Variants in TBC1D2 observed in about 807,000 individuals in gnomAD.
The protein encoded by TBC1D2 is TBC1 domain family member 2, also known as TBC1 domain family member 2A.
TBC1D2 carries 58 observed loss-of-function variants against 91.1 expected under a neutral mutation model. The ratio of observed to expected loss-of-function variants is 0.64; its 90% CI spans 0.52 to 0.79. The LOEUF (loss-of-function observed/expected upper bound fraction) is 0.79. Ranked by LOEUF, TBC1D2 falls within the 30% of genes least tolerant of loss-of-function variation. TBC1D2 has a pLI of 0.00. For synonymous variants in TBC1D2, 482 were observed against 511.5 expected, an observed-to-expected ratio of 0.94 and a Z score of 0.78; for missense variants, 1,080 against 1,208.3, an observed-to-expected ratio of 0.89 and a Z score of 1.57.
intron 2 of TBC1D2, among the ~76,000 whole-genome samples, chr9:98,244,485 C>T (rs1049255887): frequency 6.6e-6 from 1 of 151,926 alleles, no homozygotes; most frequent in African/African-American, 2.4e-5. Flanking sequence ...CATGAAGAAA[C>T]CCTGTCTCTA....
rs1828893671 is a variant in TBC1D2 at position 98,213,213 on chromosome 9, G to A, written c.1380C>T (p.Asp460=). Residue 460 remains aspartate (D), a synonymous_variant, in exon 7 of 13, where the codon GAC becomes GAT. Coordinates refer to ENST00000465784, the MANE Select transcript of TBC1D2 (RefSeq NM_001267571.2). ...AGTTCTGGGTCCGGTAAGCTTCCAT[G>A]TCATCCTGGAGAAGAGAGTAAAATA... ...QQGKIEHLKD[D]MEAYRTQNCF... is the part of the protein sequence containing the mutation. 1 of 1,614,090 alleles carries A rather than the reference G, an allele frequency of 6.2e-7. No individual in the cohort carries two copies. The highest frequency in any genetic ancestry group is 1.1e-5 in the South Asian group (1 of 91,084).
chr9:98,245,730 CAATA>C (rs1158070846), intron 2 of TBC1D2, among the ~76,000 whole-genome samples: 4 of 151,996 alleles, frequency 2.6e-5, no homozygotes, highest in African/African-American at 9.7e-5. Flanking sequence ...AAATTTTCTA[CAATA>C]AACATGGGTT....
intron 7 of TBC1D2, among the ~76,000 whole-genome samples, chr9:98,211,682 C>T (rs542478582): frequency 2.6e-5 from 4 of 152,254 alleles, no homozygotes; most frequent in Admixed American, 6.5e-5. Context: ...AAACACTTGC[C>T]GGGCACCAGC....
Position 98,199,521 on chromosome 9 carries a change from T to G in TBC1D2, c.2647A>C (p.Met883Leu). The change falls in exon 13 of 13, where the codon ATG becomes CTG. Residue 883 changes from methionine (M) to leucine (L), a missense_variant. By Grantham distance (15) the Met-to-Leu change is conservative. Coordinates refer to ENST00000465784, the MANE Select transcript of TBC1D2 (RefSeq NM_001267571.2). ...GCCTCCAGCCGCTCCCGGTGGACCATGCGCAGCTGCCGCAGCTGTTTCATG... is the reference window on the plus strand; with the variant it reads ...GCCTCCAGCCGCTCCCGGTGGACCAGGCGCAGCTGCCGCAGCTGTTTCATG... ...FRMKQLRQLR[M>L]VHRERLEAEL... is the part of the protein sequence containing the mutation. The G allele has an allele frequency of 6.2e-7, 1 of 1,614,152 alleles. No individual in the cohort carries two copies. Among genetic ancestry groups the G allele is most frequent in the Non-Finnish European group, 8.5e-7 (1 of 1,180,034 alleles).
intron 10 of TBC1D2, among the ~76,000 whole-genome samples, chr9:98,202,176 T>C (rs760573651): frequency 6.6e-6 from 1 of 152,224 alleles, no homozygotes; most frequent in Non-Finnish European, 1.5e-5. Flanking sequence ...GAACGCATAA[T>C]GTCCTGCCTC....
In TBC1D2 at chr9:98,203,421, G is replaced by A. The variant is rs375912427; in HGVS notation, c.2151-13C>T. Reference sequence around the variant, plus strand: ...AATGGCCGCCAGCCTGGAGTAGTAGGGAAGGCCTGGAGTGATTACAGAAGC... The same window carrying A: ...AATGGCCGCCAGCCTGGAGTAGTAGAGAAGGCCTGGAGTGATTACAGAAGC... On this transcript the variant is annotated splice_polypyrimidine_tract_variant and intron_variant, in intron 9 of 12. Coordinates refer to ENST00000465784, the MANE Select transcript of TBC1D2 (RefSeq NM_001267571.2). 44 of 1,613,720 alleles carry A rather than the reference G, an allele frequency of 2.7e-5. No homozygotes were observed. Among genetic ancestry groups the A allele is most frequent in the Non-Finnish European group, 3.6e-5 (43 of 1,180,000 alleles).
intron 2 of TBC1D2, among the ~76,000 whole-genome samples, chr9:98,245,733 T>C (rs1257856937): frequency 3.3e-5 from 5 of 152,266 alleles, no homozygotes; most frequent in East Asian, 3.9e-4. Flanking sequence ...TTTTCTACAA[T>C]AAACATGGGT....
At chr9:98,201,366 A>G in intron 11 of TBC1D2, 113 bp downstream of exon 11, 3 of 996,566 alleles carry the variant, frequency 3.0e-6, no homozygotes, top group Non-Finnish European at 4.4e-6. Flanking sequence ...GAGACGTTCA[A>G]CAGCTCTGAC....
Position 98,200,239 on chromosome 9 carries a change from T to C in TBC1D2, c.2579+14A>G, listed in dbSNP as rs201160326. The C allele has an allele frequency of 1.3e-6, 2 of 1,558,772 alleles. No homozygotes were observed. Among genetic ancestry groups the C allele is most frequent in the African/African-American group, 2.7e-5 (2 of 73,032 alleles). ...TGTGAGTGGTGGGAGTGGCAGGGGG[T>C]GGGGGTTCCTCACCGGCTGTTGGAG... is the stretch of plus-strand genomic sequence containing the variant. On this transcript the variant is annotated intron_variant, in intron 12 of 12. Transcript: ENST00000465784.
Position 98,220,948 on chromosome 9 carries a change from T to C in TBC1D2, c.1259A>G (p.Lys420Arg). 6.2e-7 allele frequency: 1 copy of C among 1,614,178 alleles called. No individual in the cohort carries two copies. The highest frequency in any genetic ancestry group is 8.5e-7 in the Non-Finnish European group (1 of 1,180,020). Reference protein sequence around the residue: ...KNHAKQQVICKLSEKVTQDFT... With the variant: ...KNHAKQQVICRLSEKVTQDFT... Reference sequence around the variant, plus strand: ...GTCCTGGGTGACCTTCTCAGAGAGCTTGCAGATGACCTGCTGCTTGGCGTG... The same window carrying C: ...GTCCTGGGTGACCTTCTCAGAGAGCCTGCAGATGACCTGCTGCTTGGCGTG... The change falls in exon 6 of 13, where the codon AAG becomes AGG. Residue 420 changes from lysine (K) to arginine (R), a missense_variant. Physicochemically the swap from Lys to Arg is conservative, Grantham distance 26. Transcript: ENST00000465784.
intron 11 of TBC1D2, among the ~76,000 whole-genome samples, 189 bp downstream of exon 11, chr9:98,201,290 A>G (rs2118980119): frequency 6.6e-6 from 1 of 152,340 alleles, no homozygotes; most frequent in East Asian, 1.9e-4. Context: ...GAAATCCCCC[A>G]ACTTCAGAGG....
intron 9 of TBC1D2, among the ~76,000 whole-genome samples, chr9:98,205,400 G>GA (rs1828623715): frequency 1.3e-5 from 2 of 152,334 alleles, no homozygotes; most frequent in African/African-American, 4.8e-5. Context: ...GTTGATGGGG[G>GA]AAAAACAAAC....
At chr9:98,201,138 G>A (rs922323050) in intron 11 of TBC1D2, among the ~76,000 whole-genome samples, 1 of 152,094 alleles carries the variant, frequency 6.6e-6, no homozygotes, top group African/African-American at 2.4e-5. Context: ...TACAGAGCTG[G>A]GTCCAGACCT....
chr9:98,200,412 G>T (rs767642405), intron 11 of TBC1D2, 38 bp from the exon 12 acceptor site: 45 of 1,555,908 alleles, frequency 2.9e-5, no homozygotes, highest in East Asian at 9.4e-5. Flanking sequence ...GGCATGGGGG[G>T]GCCAGGCAGG....
At position 98,199,021 on chromosome 9, in the gene TBC1D2, A is replaced by G; in HGVS notation, c.*360T>C. The G allele has an allele frequency of 2.9e-6, 1 of 339,682 alleles. No homozygotes were observed. The highest frequency in any genetic ancestry group is 3.7e-5 in the South Asian group (1 of 26,920). 21.0% of individuals were successfully genotyped at this position (339,682 alleles called of 1,614,324 possible). A position where few individuals can be genotyped will look rare whatever the true frequency, so the allele number is the denominator to read the frequency against. On this transcript the variant is annotated 3_prime_UTR_variant, in exon 13 of 13. Transcript: ENST00000465784. Reference sequence around the variant, plus strand: ...GGTAACTGAGAACTGTTTAAGTTCCAAAGCTTATGAATGATTTCCACCATT... The same window carrying G: ...GGTAACTGAGAACTGTTTAAGTTCCGAAGCTTATGAATGATTTCCACCATT...
intron 4 of TBC1D2, among the ~76,000 whole-genome samples, chr9:98,230,652 G>A (rs1414027507): frequency 1.3e-5 from 2 of 152,132 alleles, no homozygotes; most frequent in East Asian, 1.9e-4. Context: ...ACCTTGCTCG[G>A]CCGGGCGTGG....
chr9:98,206,141 A>G (rs370983597), intron 9 of TBC1D2, among the ~76,000 whole-genome samples: 4 of 151,530 alleles, frequency 2.6e-5, no homozygotes, highest in African/African-American at 7.3e-5. Context: ...TATTTTTAGT[A>G]GAGACAAGGT....
Position 98,229,160 on chromosome 9 carries a change from GA to G in TBC1D2, c.782-13del, listed in dbSNP as rs1564249710. ...CTCTGGCTCTCTCCCTGCTCAAGAG[GA>G]GAAACGCAGAAGTTATGACTGATGA... On this transcript the variant is annotated splice_polypyrimidine_tract_variant and intron_variant, in intron 4 of 12. Transcript: ENST00000465784. 1 of 1,613,424 alleles carries G rather than the reference GA, an allele frequency of 6.2e-7. No individual in the cohort carries two copies. The highest frequency in any genetic ancestry group is 8.5e-7 in the Non-Finnish European group (1 of 1,179,650).
intron 3 of TBC1D2, among the ~76,000 whole-genome samples, chr9:98,242,499 C>T (rs185562826): frequency 6.6e-6 from 1 of 151,310 alleles, no homozygotes; most frequent in East Asian, 1.9e-4. Flanking sequence ...CAAACAGGAT[C>T]ACTATTGGAT....
Sources: gnomAD v4.1 joint callset for allele counts (sites outside exome capture counted in the v4.1 genomes callset) on GRCh38, gnomAD v4.1.1 for gene constraint, MANE v1.5 for transcripts, NCBI Gene and HGNC (gene_info 2026-07-23, HGNC 2026-07-21) for gene names.